Variants in GRAMD4 observed in about 807,000 individuals in gnomAD.
GRAMD4 encodes the protein GRAM domain-containing protein 4.
In GRAMD4, 25 loss-of-function variants were observed where a neutral mutation model predicts 83.9. That is an observed-to-expected ratio of 0.30 (90% CI 0.22 to 0.42). The LOEUF (loss-of-function observed/expected upper bound fraction) is 0.42, where lower values mean the gene tolerates loss of function less well. Among genes scored for constraint, GRAMD4 ranks in the 10% least tolerant of loss-of-function variants. The pLI, the probability that GRAMD4 is intolerant of heterozygous loss-of-function variation, is 1.00. For missense variants in GRAMD4, 593 were observed against 788.7 expected (o/e 0.75, Z 2.97); for synonymous variants, 336 against 320.9 (o/e 1.05, Z -0.50).
intron 1 of GRAMD4, among the ~76,000 whole-genome samples, chr22:46,604,149 GCTTTGAA>G (rs2081343012): frequency 6.6e-6 from 1 of 152,172 alleles, no homozygotes; most frequent in Non-Finnish European, 1.5e-5. Context: ...CCGTTAACAT[GCTTTGAA>G]CTCCGCTGCT....
At chr22:46,610,580 G>A (rs540880523) in intron 1 of GRAMD4, among the ~76,000 whole-genome samples, 3 of 152,322 alleles carry the variant, frequency 2.0e-5, no homozygotes, top group South Asian at 2.1e-4. Flanking sequence ...CTGTGCCTTC[G>A]CGATATTGCA....
downstream of GRAMD4, among the ~76,000 whole-genome samples, chr22:46,680,577 T>TCCACCCACCCAC (rs1569313349): frequency 6.6e-5 from 1 of 15,256 alleles, no homozygotes; most frequent in African/African-American, 2.6e-4. Flanking sequence ...CATCCATCCA[T>TCCACCCACCCAC]CCATCCATCC....
At chr22:46,666,493 G>A (rs182705274) in intron 9 of GRAMD4, among the ~76,000 whole-genome samples, 4 of 151,922 alleles carry the variant, frequency 2.6e-5, no homozygotes, top group Admixed American at 6.6e-5. Flanking sequence ...GGAAGGTGTC[G>A]TTGGTACCCA....
rs2082523983 is a variant in GRAMD4 at position 46,672,442 on chromosome 22, C to T, written c.1085-401C>T. On this transcript the variant is annotated intron_variant, in intron 13 of 18. Coordinates refer to ENST00000406902, the MANE Select transcript of GRAMD4 (RefSeq NM_015124.5). This position sits in a 1 kb window ranked among gnomAD's most constrained non-coding sequence, Gnocchi z 4.7. ...GGGAGGGATTGCCATGGAGGGACCT[C>T]AGATTTGGTGTCAGGTGTGGGGAAT... Among the ~76,000 whole-genome samples the T allele has an allele frequency of 6.6e-6, 1 of 151,620 alleles. No individual in the cohort carries two copies. Among genetic ancestry groups the T allele is most frequent in the African/African-American group, 2.4e-5 (1 of 41,216 alleles).
intron 2 of GRAMD4, among the ~76,000 whole-genome samples, chr22:46,635,057 T>C (rs1290521984): frequency 6.9e-6 from 1 of 144,318 alleles, no homozygotes; most frequent in African/African-American, 2.5e-5. Context: ...TTGTGGTTGG[T>C]ACCACCCCTG....
rs935975634 is a variant in GRAMD4 at position 46,663,073 on chromosome 22, A to C, written c.500A>C (p.Gln167Pro). 1.2e-6 allele frequency: 2 copies of C among 1,612,080 alleles called. No homozygotes were observed. Among genetic ancestry groups the C allele is most frequent in the Non-Finnish European group, 1.7e-6 (2 of 1,179,464 alleles). ...RRSQGLSSRL[Q>P]KWFYERFGEY... The stretch of plus-strand genomic sequence containing the variant: ...AGCCAGGGGCTGTCCTCGCGCCTGC[A>C]GAAGTGGTTCTACGAGCGGTTTGGG... The change falls in exon 6 of 19, where the codon CAG (glutamine) becomes CCG (proline). Residue 167 changes from glutamine (Q) to proline (P), a missense_variant. Coordinates refer to ENST00000406902, the MANE Select transcript of GRAMD4 (RefSeq NM_015124.5).
chr22:46,623,085 C>A (rs916825389), intron 1 of GRAMD4, among the ~76,000 whole-genome samples: 2 of 152,240 alleles, frequency 1.3e-5, no homozygotes, highest in African/African-American at 4.8e-5. Flanking sequence ...GGCCCCATAG[C>A]GCCCGAGTCT....
At chr22:46,670,205 G>A (rs770003395) in intron 13 of GRAMD4, among the ~76,000 whole-genome samples, 1 of 152,230 alleles carries the variant, frequency 6.6e-6, no homozygotes, top group Non-Finnish European at 1.5e-5. Context: ...CCCCTGCCAC[G>A]TTTCCTGAAT....
chr22:46,664,222 C>T (rs2082374563), intron 8 of GRAMD4, 105 bp downstream of exon 8: 1 of 810,900 alleles, frequency 1.2e-6, no homozygotes, highest in East Asian at 2.4e-5. Flanking sequence ...CCCCAGGTGG[C>T]ACTTCCTCAG....
At chr22:46,587,266 T>C (rs1276934259) in intron 1 of GRAMD4, among the ~76,000 whole-genome samples, 1 of 152,144 alleles carries the variant, frequency 6.6e-6, no homozygotes, top group Non-Finnish European at 1.5e-5. Context: ...AAGGTGACAT[T>C]GTGTCCCCAG....
Position 46,637,834 on chromosome 22 carries a change from T to G in GRAMD4, c.163-6T>G. On this transcript the variant is annotated splice_region_variant and splice_polypyrimidine_tract_variant and intron_variant, in intron 2 of 18. Coordinates refer to ENST00000406902, the MANE Select transcript of GRAMD4 (RefSeq NM_015124.5). The stretch of plus-strand genomic sequence containing the variant: ...CCCCTTTGAGCTTTTGGTGTTTTTC[T>G]TCTAGGCTGGTCCAGGGACCCTCAT... 1 of 1,613,940 alleles carries G rather than the reference T, an allele frequency of 6.2e-7. No homozygotes were observed. Among genetic ancestry groups the G allele is most frequent in the Non-Finnish European group, 8.5e-7 (1 of 1,179,864 alleles).
At chr22:46,681,585 C>G (rs906889881), downstream of GRAMD4, among the ~76,000 whole-genome samples, 3 of 152,210 alleles carry the variant, frequency 2.0e-5, no homozygotes, top group African/African-American at 7.2e-5. Flanking sequence ...GACTTTTGTT[C>G]TGGGAGTGAT....
chr22:46,637,352 A>G (rs2081906208), intron 2 of GRAMD4, among the ~76,000 whole-genome samples: 2 of 150,948 alleles, frequency 1.3e-5, no homozygotes, highest in African/African-American at 4.9e-5. Context: ...TCCTGGGTTC[A>G]TGCCATTCTC....
Position 46,679,247 on chromosome 22 carries a change from G to T in GRAMD4, c.*1996G>T. ...TTCAGTCCCCAAACACAGCGGGAGG[G>T]GTCCCTGGGGCAGATGGGGCTTTAC... is the stretch of plus-strand genomic sequence containing the variant. On this transcript the variant is annotated 3_prime_UTR_variant, in exon 19 of 19. Transcript: ENST00000406902. 8.1e-6 allele frequency: 8 copies of T among 985,550 alleles called. No individual in the cohort carries two copies. The highest frequency in any genetic ancestry group is 9.6e-6 in the Non-Finnish European group (8 of 829,972). The allele number at this position is 985,550 out of a possible 1,614,324, so 61.1% of individuals were successfully genotyped here.
chr22:46,634,951 A>T lies in GRAMD4; in HGVS notation c.163-2889A>T, dbSNP rs556748413. ...GAGTGAGACTTCACCATCTCAAAAA[A>T]AAAAAAAAGAAATCATAATAGAAAA... On this transcript the variant is annotated intron_variant, in intron 2 of 18. Coordinates refer to ENST00000406902, the MANE Select transcript of GRAMD4 (RefSeq NM_015124.5). Among the ~76,000 whole-genome samples, 67 of 152,164 alleles carry T rather than the reference A, an allele frequency of 4.4e-4. 1 individual carries two copies. Among genetic ancestry groups the T allele is most frequent in the African/African-American group, 1.5e-3 (62 of 41,516 alleles).
At chr22:46,648,779 G>C (rs1161839567) in intron 3 of GRAMD4, among the ~76,000 whole-genome samples, 6 of 123,350 alleles carry the variant, frequency 4.9e-5, no homozygotes, top group Admixed American at 1.6e-4. Flanking sequence ...TGGATGGATG[G>C]ATGGATGGAT....
chr22:46,605,896 T>G (rs1161501964), intron 1 of GRAMD4, among the ~76,000 whole-genome samples: 2 of 151,138 alleles, frequency 1.3e-5, no homozygotes, highest in Non-Finnish European at 2.9e-5. Context: ...TTATGGCCGG[T>G]GCTGAGCATC....
chr22:46,587,929 C>T (rs556014466), intron 1 of GRAMD4: 34 of 985,360 alleles, frequency 3.5e-5, no homozygotes, highest in East Asian at 1.1e-4. Context: ...TCTGGGCAGA[C>T]GCACTCACAT....
chr22:46,577,588 G>T (rs2081055997), intron 1 of GRAMD4, among the ~76,000 whole-genome samples: 1 of 151,946 alleles, frequency 6.6e-6, no homozygotes, highest in South Asian at 2.1e-4. Flanking sequence ...GGCCCGGACT[G>T]GGGTGGGGGT....
Sources: allele counts gnomAD v4.1 joint callset (sites outside exome capture counted in the v4.1 genomes callset), GRCh38; gene constraint gnomAD v4.1.1; non-coding constraint Gnocchi (gnomAD v3.1); transcripts MANE v1.5; gene names NCBI Gene and HGNC (gene_info 2026-07-23, HGNC 2026-07-21).